DLG5: variants seen among roughly 807,000 people sequenced by gnomAD.
The protein encoded by DLG5 is disks large homolog 5.
Under a neutral mutation model 189.8 loss-of-function variants are expected in DLG5, and 48 were observed. The observed-to-expected ratio is 0.25, with a 90% CI of 0.20 to 0.32. The LOEUF (loss-of-function observed/expected upper bound fraction) is 0.32, where lower values mean the gene tolerates loss of function less well. Ranked by LOEUF, DLG5 falls within the 10% of genes least tolerant of loss-of-function variation. The pLI, the probability that DLG5 is intolerant of heterozygous loss-of-function variation, is 1.00. For synonymous variants in DLG5, 1,016 were observed against 1,054.1 expected (o/e 0.96, Z 0.70); for missense variants, 2,160 against 2,544.7 (o/e 0.85, Z 3.25).
the DLG5 span, among the ~76,000 whole-genome samples, chr10:77,939,053 G>T: frequency 6.6e-6 from 1 of 152,206 alleles, no homozygotes; most frequent in Non-Finnish European, 1.5e-5. Flanking sequence ...GGTGGCGCAT[G>T]CCTGTAATCC....
At chr10:77,905,531 T>C (rs1165030364) in intron 1 of DLG5, among the ~76,000 whole-genome samples, 1 of 152,234 alleles carries the variant, frequency 6.6e-6, no homozygotes, top group African/African-American at 2.4e-5. Context: ...AACACCCTTG[T>C]CCCTGCTGTG....
In DLG5 at chr10:77,796,621, C is replaced by A; in HGVS notation, c.5165-27G>T. 1 of 1,612,882 alleles carries A rather than the reference C, an allele frequency of 6.2e-7. No individual in the cohort carries two copies. Among genetic ancestry groups the A allele is most frequent in the Non-Finnish European group, 8.5e-7 (1 of 1,179,302 alleles). The stretch of plus-strand genomic sequence containing the variant: ...TGAGGGAGAGAGAGCAGCAGCGTCA[C>A]GGACCCAGCTTGGAGTGGAGGACCT... On this transcript the variant is annotated intron_variant, in intron 27 of 31. Transcript: ENST00000372391. This position sits in a 1 kb window ranked among gnomAD's most constrained non-coding sequence, Gnocchi z 5.2.
intron 1 of DLG5, among the ~76,000 whole-genome samples, chr10:77,872,272 C>T (rs1388362514): frequency 6.6e-6 from 1 of 152,206 alleles, no homozygotes; most frequent in Non-Finnish European, 1.5e-5. Flanking sequence ...CTCTTCAAAT[C>T]GTCTCTCTCC....
rs1840915471 is a variant in DLG5 at position 77,796,235 on chromosome 10, G to A, written c.5309-47C>T. On this transcript the variant is annotated intron_variant, in intron 28 of 31. Transcript: ENST00000372391. This position sits in a 1 kb window ranked among gnomAD's most constrained non-coding sequence, Gnocchi z 5.2. ...ATCAGGGAGCCCCAGGCCCTGCTGAGCCCCAGCAGAGGGAGCAGGGGAAGA... is the reference window on the plus strand; with the variant it reads ...ATCAGGGAGCCCCAGGCCCTGCTGAACCCCAGCAGAGGGAGCAGGGGAAGA... 1.9e-6 allele frequency: 3 copies of A among 1,613,154 alleles called. No individual in the cohort carries two copies. Among genetic ancestry groups the A allele is most frequent in the Non-Finnish European group, 2.5e-6 (3 of 1,179,798 alleles).
chr10:77,907,192 GAAAC>G (rs1846093313), intron 1 of DLG5, among the ~76,000 whole-genome samples: 1 of 152,290 alleles, frequency 6.6e-6, no homozygotes, highest in Non-Finnish European at 1.5e-5. Context: ...AGAGTAGGGA[GAAAC>G]AAACCAACCA....
chr10:77,805,576 T>C (rs2154575094), intron 27 of DLG5, 89 bp downstream of exon 27: 5 of 1,416,802 alleles, frequency 3.5e-6, no homozygotes, highest in Non-Finnish European at 4.8e-6. Context: ...AGTAAGACTC[T>C]CTTTTGTTTA....
At chr10:77,905,361 T>G (rs1846044116) in intron 1 of DLG5, among the ~76,000 whole-genome samples, 1 of 152,136 alleles carries the variant, frequency 6.6e-6, no homozygotes, top group Non-Finnish European at 1.5e-5. Flanking sequence ...AGTGGTTGTT[T>G]TCCTAGACCA....
At chr10:77,874,880 C>T (rs1845035655) in intron 1 of DLG5, among the ~76,000 whole-genome samples, 1 of 152,202 alleles carries the variant, frequency 6.6e-6, no homozygotes, top group Admixed American at 6.5e-5. Context: ...ACATGGAAAG[C>T]TGTACTAGAG....
chr10:77,917,350 A>C (rs993046758), intron 1 of DLG5, among the ~76,000 whole-genome samples: 1 of 151,822 alleles, frequency 6.6e-6, no homozygotes, highest in African/African-American at 2.4e-5. Context: ...TCAAAAAAAA[A>C]CAAACAAACA....
intron 1 of DLG5, chr10:77,889,473 A>ACTT (rs1433385014): frequency 6.6e-6 from 1 of 152,252 alleles, no homozygotes; most frequent in African/African-American, 2.4e-5. Context: ...GACAAAGGCC[A>ACTT]CTTGTTTCCC....
intron 1 of DLG5, among the ~76,000 whole-genome samples, chr10:77,901,942 T>A (rs1440333074): frequency 6.6e-6 from 1 of 152,188 alleles, no homozygotes; most frequent in Non-Finnish European, 1.5e-5. Context: ...AAATACTCAC[T>A]CGTATGCTGG....
intron 18 of DLG5, 102 bp downstream of exon 18, chr10:77,817,675 A>G (rs1242982178): frequency 3.1e-6 from 3 of 983,286 alleles, no homozygotes; most frequent in East Asian, 5.2e-5. Context: ...AGGTGACAGG[A>G]GCTCGTGTGG....
chr10:77,882,116 A>T (rs913389353), intron 1 of DLG5, among the ~76,000 whole-genome samples: 1 of 152,016 alleles, frequency 6.6e-6, no homozygotes, highest in East Asian at 1.9e-4. Flanking sequence ...GTCATGGAGA[A>T]CCCCTTGCCC....
chr10:77,820,753 C>T (rs554877234), intron 15 of DLG5: 9 of 335,226 alleles, frequency 2.7e-5, no homozygotes, highest in East Asian at 1.6e-4. Context: ...CAGCCTCACA[C>T]GTGCCACCTC....
chr10:77,857,962 C>G (rs1487670768), intron 2 of DLG5, among the ~76,000 whole-genome samples: 1 of 152,174 alleles, frequency 6.6e-6, no homozygotes, highest in Non-Finnish European at 1.5e-5. Flanking sequence ...TCCTGACCAC[C>G]CCTGTCCCAC....
chr10:77,792,685 C>G lies in DLG5; in HGVS notation c.5657-142G>C, dbSNP rs543340489. On this transcript the variant is annotated intron_variant, in intron 31 of 31. Coordinates refer to ENST00000372391, the MANE Select transcript of DLG5 (RefSeq NM_004747.4). ...CACTCTGCTCCATCCCCACCTGACT[C>G]TCCTTCACCAGCAAGAAACTGGGAA... 1.1e-5 allele frequency: 8 copies of G among 707,386 alleles called. No individual in the cohort carries two copies. In the East Asian group the frequency reaches 2.1e-4, roughly 19 times the overall value. 43.8% of individuals were successfully genotyped at this position (707,386 alleles called of 1,614,324 possible).
chr10:77,874,672 A>G (rs1845029797), intron 1 of DLG5, among the ~76,000 whole-genome samples: 1 of 152,258 alleles, frequency 6.6e-6, no homozygotes, highest in Non-Finnish European at 1.5e-5. Context: ...CAAATATTCC[A>G]GAATCTAGAG....
chr10:77,891,847 C>T (rs1202207366), intron 1 of DLG5, among the ~76,000 whole-genome samples: 1 of 152,222 alleles, frequency 6.6e-6, no homozygotes, highest in Non-Finnish European at 1.5e-5. Context: ...AGCCATCCGG[C>T]TCTGCTGCTT....
At chr10:77,795,022 CCACCA>C in intron 29 of DLG5, 64 bp from the exon 30 acceptor site, 5 of 1,375,474 alleles carry the variant, frequency 3.6e-6, no homozygotes, top group Non-Finnish European at 4.1e-6. Context: ...CCCTGTCCTG[CCACCA>C]GCAGGACCCA....
Sources: gnomAD v4.1 joint callset for allele counts (sites outside exome capture counted in the v4.1 genomes callset) on GRCh38, gnomAD v4.1.1 for gene constraint, Gnocchi (gnomAD v3.1) non-coding constraint, MANE v1.5 for transcripts, NCBI Gene and HGNC (gene_info 2026-07-23, HGNC 2026-07-21) for gene names.